The following SEM1 variants were observed in gnomAD, a reference collection of about 807,000 sequenced individuals.
The protein encoded by SEM1 is SEM1 26S proteasome subunit, also known as 26S proteasome complex subunit SEM1.
SEM1 carries 3 observed loss-of-function variants against 12.7 expected under a neutral mutation model. The ratio of observed to expected loss-of-function variants is 0.24; its 90% CI spans 0.11 to 0.61. The LOEUF is 0.61. Among genes scored for constraint, SEM1 ranks in the 20% least tolerant of loss-of-function variants. The pLI is 0.88. For missense variants in SEM1, 59 were observed against 81.3 expected, an observed-to-expected ratio of 0.73 and a Z score of 1.06; for synonymous variants, 30 against 27.8, an observed-to-expected ratio of 1.08 and a Z score of -0.25.
chr7:96,645,887 C>G (rs1247853133), intron 2 of SEM1: 2 of 398,258 alleles, frequency 5.0e-6, no homozygotes, highest in East Asian at 7.1e-5. Context: ...GGCATCTTCT[C>G]AGTCTTGCAG....
chr7:96,693,735 T>C (rs994422456), intron 2 of SEM1, among the ~76,000 whole-genome samples: 1 of 149,958 alleles, frequency 6.7e-6, no homozygotes, highest in Non-Finnish European at 1.5e-5. Context: ...AAATATAGAA[T>C]TAACGTATGA....
chr7:96,624,402 G>T (rs1205567315), intron 2 of SEM1, among the ~76,000 whole-genome samples: 2 of 152,166 alleles, frequency 1.3e-5, no homozygotes, highest in Non-Finnish European at 2.9e-5. Flanking sequence ...AGCTCTTTTA[G>T]TGTAGTGGGT....
chr7:96,696,348 C>T (rs1790096339), intron 1 of SEM1: 1 of 151,964 alleles, frequency 6.6e-6, no homozygotes, highest in African/African-American at 2.4e-5. Flanking sequence ...TATTACTATA[C>T]AGTACTTCAT....
intron 1 of SEM1, 21 bp downstream of exon 1, chr7:96,709,667 A>C: frequency 6.2e-7 from 1 of 1,611,858 alleles, no homozygotes; most frequent in Non-Finnish European, 8.5e-7. Context: ...CGCGACACAG[A>C]AACCGGGGCC....
chr7:96,608,477 T>C (rs1563081449), intron 2 of SEM1, among the ~76,000 whole-genome samples: 2 of 152,188 alleles, frequency 1.3e-5, no homozygotes, highest in Admixed American at 1.3e-4. Context: ...AGTTCAATGG[T>C]TTCCAGAATA....
chr7:96,520,261 C>T (rs915696415), intron 2 of SEM1, among the ~76,000 whole-genome samples: 1 of 152,092 alleles, frequency 6.6e-6, no homozygotes, highest in African/African-American at 2.4e-5. Flanking sequence ...TCCTAGACCA[C>T]GCTTGCTCTG....
At position 96,486,122 on chromosome 7, in the gene SEM1, A is replaced by C. The variant is rs780510551; in HGVS notation, c.227+81T>G. 4.7e-5 allele frequency: 46 copies of C among 982,822 alleles called. 1 individual carries two copies. The highest frequency in any genetic ancestry group is 6.6e-5 in the Non-Finnish European group (44 of 669,782). The allele number at this position is 982,822 out of a possible 1,614,324, so 60.9% of individuals were successfully genotyped here. On this transcript the variant is annotated intron_variant, in intron 2 of 3. Transcript: ENST00000356686. ...CACAATGTTGCTGGCCTTTAGTTTT[A>C]GTATCTGGTGTCAAAGACTTAGAGA...
At chr7:96,690,367 C>T (rs1266957318) in intron 2 of SEM1, among the ~76,000 whole-genome samples, 1 of 152,086 alleles carries the variant, frequency 6.6e-6, no homozygotes, top group African/African-American at 2.4e-5. Flanking sequence ...TGGTCACTAA[C>T]TGCATGTATA....
rs1003984961 is a variant in SEM1 at position 96,522,725 on chromosome 7, C to T, written c.171-16027G>A. On this transcript the variant is annotated intron_variant and NMD_transcript_variant, in intron 2 of 3. Transcript: ENST00000466986. ...AAACCCCGTCTCTACTAAAAATACC[C>T]CCCCCCCAAAAAAAAATTAGCCGGA... is the stretch of plus-strand genomic sequence containing the variant. Among the ~76,000 whole-genome samples, 45 of 119,626 alleles carry T rather than the reference C, an allele frequency of 3.8e-4. 2 individuals are homozygous for T. The highest frequency in any genetic ancestry group is 1.1e-3 in the African/African-American group (40 of 35,212). 78.5% of individuals were successfully genotyped at this position (119,626 alleles called of 152,430 possible).
intron 1 of SEM1, among the ~76,000 whole-genome samples, chr7:96,490,305 A>G (rs940205087): frequency 1.3e-5 from 2 of 152,148 alleles, no homozygotes; most frequent in South Asian, 4.1e-4. Flanking sequence ...CTTTCCTCAA[A>G]CAACAAAAGA....
rs554053778 is a variant in SEM1 at position 96,694,981 on chromosome 7, A to G, written c.77-90T>C. 7 of 874,252 alleles carry G rather than the reference A, an allele frequency of 8.0e-6. No individual in the cohort carries two copies. In the South Asian group the frequency reaches 1.1e-4, roughly 14 times the overall value. The allele number at this position is 874,252 out of a possible 1,614,324, so 54.2% of individuals were successfully genotyped here. On this transcript the variant is annotated intron_variant, in intron 1 of 2. Transcript: ENST00000248566. ...TTGAAAAGCTTGCTACTGAACACTC[A>G]CAATTCAAAAACAGCTAAAACCATA...
chr7:96,707,414 A>C (rs931722466), intron 1 of SEM1, among the ~76,000 whole-genome samples: 2 of 152,162 alleles, frequency 1.3e-5, no homozygotes, highest in African/African-American at 4.8e-5. Context: ...ATTAAGAAAA[A>C]CCTCTCCAAA....
chr7:96,671,585 A>AGGCC (rs1789319199), downstream of SEM1, among the ~76,000 whole-genome samples: 1 of 152,184 alleles, frequency 6.6e-6, no homozygotes, highest in Non-Finnish European at 1.5e-5. Flanking sequence ...ACTGAAAGGG[A>AGGCC]GGCACAGAGC....
At chr7:96,709,642 C>G in intron 1 of SEM1, 46 bp downstream of exon 1, 1 of 1,586,422 alleles carries the variant, frequency 6.3e-7, no homozygotes, top group African/African-American at 1.3e-5. Flanking sequence ...ACACGGAGGC[C>G]TGAGTCACCG....
intron 2 of SEM1, among the ~76,000 whole-genome samples, chr7:96,512,224 T>C (rs1803956561): frequency 6.6e-6 from 1 of 151,558 alleles, no homozygotes; most frequent in African/African-American, 2.4e-5. Flanking sequence ...GAGAATAGAG[T>C]AGGGAGAGCC....
intron 2 of SEM1, among the ~76,000 whole-genome samples, chr7:96,485,776 G>A (rs1352887923): frequency 6.6e-6 from 1 of 151,892 alleles, no homozygotes; most frequent in Non-Finnish European, 1.5e-5. Flanking sequence ...TCCTGAACTT[G>A]TGATCTGTCC....
rs6465515 is a variant in SEM1 at position 96,527,877 on chromosome 7, T to G, written c.171-21179A>C. Among the ~76,000 whole-genome samples the G allele has an allele frequency of 3.3e-5, 5 of 152,030 alleles. No homozygotes were observed. In the East Asian group the frequency reaches 5.8e-4, roughly 18 times the overall value. On this transcript the variant is annotated intron_variant and NMD_transcript_variant, in intron 2 of 3. Transcript: ENST00000466986. ...CCAGATGGCATGTTCTGAGTTCTTTTTTGTTGTTGTTGTTACTCTTTGGAA... is the reference window on the plus strand; with the variant it reads ...CCAGATGGCATGTTCTGAGTTCTTTGTTGTTGTTGTTGTTACTCTTTGGAA...
intron 2 of SEM1, among the ~76,000 whole-genome samples, chr7:96,678,946 A>G (rs575756347): frequency 6.6e-6 from 1 of 152,250 alleles, no homozygotes; most frequent in East Asian, 1.9e-4. Context: ...TCCCTACATT[A>G]TGAACTAGTA....
intron 2 of SEM1, among the ~76,000 whole-genome samples, chr7:96,683,668 T>A (rs541251047): frequency 2.0e-5 from 3 of 152,304 alleles, no homozygotes; most frequent in African/African-American, 7.2e-5. Flanking sequence ...AAAGAAAATG[T>A]GGCACATATA....
Sources: allele counts gnomAD v4.1 joint callset (sites outside exome capture counted in the v4.1 genomes callset), GRCh38; gene constraint gnomAD v4.1.1; transcripts MANE v1.5; gene names NCBI Gene and HGNC (gene_info 2026-07-23, HGNC 2026-07-21).